The following PTPRD variants were observed in gnomAD, a reference collection of about 807,000 sequenced individuals.
The protein encoded by PTPRD is protein tyrosine phosphatase receptor type D.
PTPRD carries 34 observed loss-of-function variants against 214.5 expected under a neutral mutation model. That is an observed-to-expected ratio of 0.16 (90% confidence interval 0.12 to 0.21). The LOEUF is 0.21. Ranked by LOEUF, PTPRD falls within the 10% of genes least tolerant of loss-of-function variation. The pLI is 1.00. For missense variants in PTPRD, 2,545 were observed against 2,398.7 expected (o/e 1.06, Z -1.27); for synonymous variants, 1,128 against 845.7 (o/e 1.33, Z -5.79).
intron 3 of PTPRD, among the ~76,000 whole-genome samples, chr9:10,235,967 C>A (rs1408426173): frequency 1.3e-5 from 2 of 151,864 alleles, no homozygotes; most frequent in Non-Finnish European, 2.9e-5. Flanking sequence ...TACAGTGGTT[C>A]TGGGAACTAG....
intron 10 of PTPRD, among the ~76,000 whole-genome samples, chr9:9,073,149 G>C (rs2099746288): frequency 6.6e-6 from 1 of 152,130 alleles, no homozygotes; most frequent in Non-Finnish European, 1.5e-5. Flanking sequence ...CATGGTTGAG[G>C]TTCCTCTTGG....
intron 11 of PTPRD, among the ~76,000 whole-genome samples, chr9:8,938,741 G>C (rs1343105326): frequency 6.6e-6 from 1 of 151,886 alleles, no homozygotes; most frequent in Non-Finnish European, 1.5e-5. Flanking sequence ...CCATTACTCT[G>C]AAGATTCTAA....
chr9:9,914,980 C>A (rs1200328298), intron 5 of PTPRD, among the ~76,000 whole-genome samples: 1 of 152,194 alleles, frequency 6.6e-6, no homozygotes, highest in Non-Finnish European at 1.5e-5. Flanking sequence ...GAGCCAGACA[C>A]CAAGTTGTTG....
At chr9:10,103,375 T>TA (rs2154216572) in intron 3 of PTPRD, among the ~76,000 whole-genome samples, 1 of 83,474 alleles carries the variant, frequency 1.2e-5, no homozygotes, top group Non-Finnish European at 2.3e-5. Flanking sequence ...TTAAACTGCA[T>TA]ATTATATATA....
chr9:9,336,696 ATATAT>A (rs549260616), intron 9 of PTPRD, among the ~76,000 whole-genome samples: 52 of 152,194 alleles, frequency 3.4e-4, no homozygotes, highest in Non-Finnish European at 6.8e-4. Flanking sequence ...TATCTATGAG[ATATAT>A]TATATAACTG....
chr9:9,650,265 C>T (rs937356210), intron 7 of PTPRD, among the ~76,000 whole-genome samples: 20 of 152,168 alleles, frequency 1.3e-4, no homozygotes, highest in Non-Finnish European at 2.1e-4. Flanking sequence ...GCCTCCCCAG[C>T]CATGCAGAAC....
At chr9:8,620,009 T>C (rs1243193628) in intron 14 of PTPRD, among the ~76,000 whole-genome samples, 1 of 152,044 alleles carries the variant, frequency 6.6e-6, no homozygotes, top group Non-Finnish European at 1.5e-5. Flanking sequence ...CTCCAGACAC[T>C]GCACACAGAC....
At chr9:9,647,389 T>C (rs2096221054) in intron 7 of PTPRD, among the ~76,000 whole-genome samples, 1 of 152,228 alleles carries the variant, frequency 6.6e-6, no homozygotes, top group African/African-American at 2.4e-5. Flanking sequence ...TTTTATGCCT[T>C]GTATTCTTCT....
intron 14 of PTPRD, among the ~76,000 whole-genome samples, chr9:8,585,377 G>T (rs978802727): frequency 1.3e-5 from 2 of 152,106 alleles, no homozygotes; most frequent in African/African-American, 4.8e-5. Flanking sequence ...GTTCTGTCAA[G>T]GTTTAATCAC....
chr9:9,949,175 C>G (rs2093162322), intron 4 of PTPRD, among the ~76,000 whole-genome samples: 1 of 152,002 alleles, frequency 6.6e-6, no homozygotes, highest in Admixed American at 6.6e-5. Flanking sequence ...GAAAATATTC[C>G]TTAAAAAGTG....
chr9:8,799,328 G>T (rs934054286), intron 11 of PTPRD, among the ~76,000 whole-genome samples: 1 of 152,202 alleles, frequency 6.6e-6, no homozygotes, highest in Non-Finnish European at 1.5e-5. Flanking sequence ...GTTGGTATAA[G>T]AAAGAATCCC....
chr9:8,581,405 T>C (rs896351659), intron 14 of PTPRD, among the ~76,000 whole-genome samples: 1 of 152,096 alleles, frequency 6.6e-6, no homozygotes, highest in African/African-American at 2.4e-5. Context: ...CCAGTGAGTC[T>C]GATCACAAAA....
At chr9:9,164,647 T>C (rs1333209935) in intron 10 of PTPRD, among the ~76,000 whole-genome samples, 2 of 152,178 alleles carry the variant, frequency 1.3e-5, no homozygotes, top group African/African-American at 2.4e-5. Context: ...CACAGTGCCT[T>C]ACCTCTGAGA....
At chr9:10,005,803 G>C (rs888188055) in intron 4 of PTPRD, among the ~76,000 whole-genome samples, 1 of 151,896 alleles carries the variant, frequency 6.6e-6, no homozygotes, top group Non-Finnish European at 1.5e-5. Context: ...TTAACAATCT[G>C]AAATGCACAC....
At chr9:8,681,660 C>T (rs539831304) in intron 12 of PTPRD, among the ~76,000 whole-genome samples, 8 of 152,284 alleles carry the variant, frequency 5.3e-5, no homozygotes, top group Non-Finnish European at 1.0e-4. Flanking sequence ...CAGCCCTGAA[C>T]GATGTGCATG....
intron 10 of PTPRD, among the ~76,000 whole-genome samples, chr9:9,076,189 G>A (rs753940437): frequency 6.6e-6 from 1 of 152,014 alleles, no homozygotes; most frequent in South Asian, 2.1e-4. Context: ...TCATGTGTCT[G>A]TTGGCTGCAT....
intron 14 of PTPRD, among the ~76,000 whole-genome samples, chr9:8,627,736 C>G (rs1426362049): frequency 6.6e-6 from 1 of 151,790 alleles, no homozygotes; most frequent in Non-Finnish European, 1.5e-5. Flanking sequence ...CTTTCTCCCC[C>G]AGATTTTCAG....
intron 8 of PTPRD, among the ~76,000 whole-genome samples, chr9:9,522,383 A>C (rs1288096283): frequency 6.6e-6 from 1 of 152,148 alleles, no homozygotes; most frequent in African/African-American, 2.4e-5. Flanking sequence ...AAGATTTCTA[A>C]AGGGAACTAT....
chr9:9,862,294 A>G (rs537213548), intron 5 of PTPRD, among the ~76,000 whole-genome samples: 3 of 152,246 alleles, frequency 2.0e-5, no homozygotes, highest in Admixed American at 6.5e-5. Context: ...TTTAAAAGTT[A>G]TATTGCATTC....
Sources: allele counts gnomAD v4.1 joint callset (sites outside exome capture counted in the v4.1 genomes callset), GRCh38; gene constraint gnomAD v4.1.1; transcripts MANE v1.5; gene names NCBI Gene and HGNC (gene_info 2026-07-23, HGNC 2026-07-21).